The following CSMD1 variants were observed in gnomAD, a reference collection of about 807,000 sequenced individuals.
CSMD1 encodes the protein CUB and sushi domain-containing protein 1.
CSMD1 carries 213 observed loss-of-function variants against 417.5 expected under a neutral mutation model. That is an observed-to-expected ratio of 0.51 (90% confidence interval 0.46 to 0.57). The LOEUF is 0.57. Among genes scored for constraint, CSMD1 ranks in the 20% least tolerant of loss-of-function variants. The probability of loss-of-function intolerance (pLI) is 0.00; values close to 1 mark genes in which losing one functional copy is unlikely to be tolerated. For synonymous variants in CSMD1, 2,862 were observed against 1,736.8 expected, an observed-to-expected ratio of 1.65 and a Z score of -16.11; for missense variants, 6,923 against 4,529.7, an observed-to-expected ratio of 1.53 and a Z score of -15.17.
intron 26 of CSMD1, among the ~76,000 whole-genome samples, chr8:3,272,450 T>G (rs1801938137): frequency 6.6e-6 from 1 of 150,528 alleles, no homozygotes. Context: ...TAAAGTAGTT[T>G]TTTCCAATTC....
At chr8:3,187,328 G>A (rs10216954) in intron 36 of CSMD1, among the ~76,000 whole-genome samples, 61,750 of 152,002 alleles carry the variant, frequency 0.41, 14,446 homozygotes, top group Non-Finnish European at 0.54. Context: ...GGGAAGGGAA[G>A]ACTTGCAGGG....
At chr8:3,096,249 C>T (rs978486968) in intron 47 of CSMD1, among the ~76,000 whole-genome samples, 1 of 152,110 alleles carries the variant, frequency 6.6e-6, no homozygotes, top group East Asian at 1.9e-4. Flanking sequence ...TGTTAACAAT[C>T]CTATGGTTTG....
At chr8:3,041,314 T>A (rs1563269555) in intron 50 of CSMD1, among the ~76,000 whole-genome samples, 3 of 152,194 alleles carry the variant, frequency 2.0e-5, no homozygotes. Context: ...TTTACAGCAT[T>A]ATATTAATAT....
chr8:4,504,098 T>C (rs1802400068), intron 2 of CSMD1, among the ~76,000 whole-genome samples: 1 of 152,036 alleles, frequency 6.6e-6, no homozygotes, highest in African/African-American at 2.4e-5. Flanking sequence ...CACTGATTGA[T>C]GGATAAAGAA....
intron 7 of CSMD1, among the ~76,000 whole-genome samples, chr8:3,666,364 A>G (rs945415696): frequency 2.0e-5 from 3 of 152,240 alleles, no homozygotes; most frequent in African/African-American, 7.2e-5. Context: ...TTAAAATGAC[A>G]TATTCAGTAG....
At chr8:4,944,877 A>G (rs561415441) in intron 1 of CSMD1, among the ~76,000 whole-genome samples, 16 of 152,316 alleles carry the variant, frequency 1.1e-4, no homozygotes, top group Non-Finnish European at 5.9e-5. Context: ...TAAAACTGCC[A>G]TATAATAGAG....
At chr8:4,031,772 C>G (rs1400845645) in intron 4 of CSMD1, 133 bp downstream of exon 4, 1 of 585,144 alleles carries the variant, frequency 1.7e-6, no homozygotes, top group East Asian at 2.9e-5. Flanking sequence ...CTTTCAGGAG[C>G]AGAATGAGCT....
At chr8:4,332,409 T>A (rs931301305) in intron 3 of CSMD1, among the ~76,000 whole-genome samples, 2 of 152,112 alleles carry the variant, frequency 1.3e-5, no homozygotes, top group East Asian at 3.9e-4. Context: ...ATAGTATAAA[T>A]TCTTTCTAGG....
intron 7 of CSMD1, among the ~76,000 whole-genome samples, chr8:3,682,803 C>T (rs1799732490): frequency 6.6e-6 from 1 of 152,164 alleles, no homozygotes; most frequent in South Asian, 2.1e-4. Context: ...AAATGTCCAA[C>T]AATGACAGAT....
chr8:4,932,586 G>T (rs1349301526), intron 1 of CSMD1, among the ~76,000 whole-genome samples: 1 of 152,190 alleles, frequency 6.6e-6, no homozygotes, highest in East Asian at 1.9e-4. Context: ...ATATGATACT[G>T]CAGGATTTTG....
chr8:4,308,950 A>C (rs992494023), intron 3 of CSMD1, among the ~76,000 whole-genome samples: 2 of 152,200 alleles, frequency 1.3e-5, no homozygotes, highest in South Asian at 2.1e-4. Flanking sequence ...AGACTCTCAA[A>C]TACTCCCTGT....
At chr8:4,455,841 T>C (rs1358677551) in intron 2 of CSMD1, among the ~76,000 whole-genome samples, 1 of 139,796 alleles carries the variant, frequency 7.2e-6, no homozygotes, top group Non-Finnish European at 1.5e-5. Flanking sequence ...TGAGGCAAGA[T>C]AACTGCTTGA....
chr8:3,242,726 C>T (rs1256105274), intron 26 of CSMD1, among the ~76,000 whole-genome samples: 2 of 150,820 alleles, frequency 1.3e-5, no homozygotes. Context: ...GAAGCAAGCC[C>T]AGAGAAAAGA....
chr8:4,432,746 A>T (rs1407962957), intron 2 of CSMD1, among the ~76,000 whole-genome samples: 1 of 152,194 alleles, frequency 6.6e-6, no homozygotes, highest in Non-Finnish European at 1.5e-5. Context: ...ATTTCAAACC[A>T]GGGCCATAGA....
intron 10 of CSMD1, among the ~76,000 whole-genome samples, chr8:3,514,594 T>A (rs1385884018): frequency 1.3e-5 from 2 of 152,226 alleles, no homozygotes; most frequent in Admixed American, 6.5e-5. Flanking sequence ...TATTTAAGTG[T>A]ATTTGTTTTA....
rs140507947 is a variant in CSMD1, at chr8:4,363,752, A to C, written c.415+56201T>G. ...ATGTTGTTGCAAAAGACAGGATCTCATTTTTCATGGCTGAATAGTACTCCA... is the reference window on the plus strand; with the variant it reads ...ATGTTGTTGCAAAAGACAGGATCTCCTTTTTCATGGCTGAATAGTACTCCA... On this transcript the variant is annotated intron_variant, in intron 3 of 69. Transcript: ENST00000635120. Among the ~76,000 whole-genome samples, 47 of 152,144 alleles carry C rather than the reference A, an allele frequency of 3.1e-4. 1 individual carries two copies. Among genetic ancestry groups the C allele is most frequent in the African/African-American group, 9.4e-4 (39 of 41,500 alleles).
chr8:3,484,305 T>G (rs1330334420), intron 11 of CSMD1, among the ~76,000 whole-genome samples: 1 of 152,184 alleles, frequency 6.6e-6, no homozygotes, highest in East Asian at 1.9e-4. Flanking sequence ...TAGTTTTTGA[T>G]GAAGGCAGAA....
intron 52 of CSMD1, among the ~76,000 whole-genome samples, chr8:3,016,192 C>T (rs1003980844): frequency 6.6e-6 from 1 of 152,160 alleles, no homozygotes. Context: ...TATAACCTGC[C>T]TCCAAATATG....
chr8:4,175,882 C>G (rs746977058), intron 3 of CSMD1, among the ~76,000 whole-genome samples: 1 of 152,034 alleles, frequency 6.6e-6, no homozygotes, highest in Non-Finnish European at 1.5e-5. Context: ...GTAATGGGGT[C>G]CAGTTGATTT....
Sources: allele counts gnomAD v4.1 joint callset (sites outside exome capture counted in the v4.1 genomes callset), GRCh38; gene constraint gnomAD v4.1.1; transcripts MANE v1.5; gene names NCBI Gene and HGNC (gene_info 2026-07-23, HGNC 2026-07-21).